ACTL8: variants seen among roughly 807,000 people sequenced by gnomAD.
ACTL8 encodes actin like 8, also known as actin-like protein 8.
A neutral mutation model predicts 9.3 loss-of-function variants in ACTL8; 3 were observed. The ratio of observed to expected loss-of-function variants is 0.32; its 90% CI spans 0.15 to 0.83. The LOEUF is 0.83. ACTL8 is among the 40% of genes least tolerant of loss of function. ACTL8 has a pLI of 0.57. For missense variants in ACTL8, 381 were observed against 492.2 expected, an observed-to-expected ratio of 0.77 and a Z score of 2.14; for synonymous variants, 224 against 205.9, an observed-to-expected ratio of 1.09 and a Z score of -0.75.
intron 1 of ACTL8, among the ~76,000 whole-genome samples, chr1:17,804,012 C>T (rs140782304): frequency 1.7e-3 from 266 of 152,258 alleles, no homozygotes; most frequent in African/African-American, 6.0e-3. Context: ...AATTCTGTCA[C>T]GAATCTAACC....
intron 1 of ACTL8, among the ~76,000 whole-genome samples, chr1:17,777,175 C>T (rs2066124314): frequency 6.6e-6 from 1 of 151,880 alleles, no homozygotes; most frequent in East Asian, 1.9e-4. Context: ...GAACAAGCGC[C>T]TCTCTTTGAA....
chr1:17,821,699 G>T (rs649270), intron 1 of ACTL8, among the ~76,000 whole-genome samples: 65,808 of 151,764 alleles, frequency 0.43, 15,537 homozygotes, highest in East Asian at 0.68. Flanking sequence ...CACAATCTTG[G>T]CTCACTGCAA....
chr1:17,787,390 A>G lies in ACTL8; in HGVS notation c.-25+31886A>G, dbSNP rs375846383. ...AGCAATTCTCATGCTCAGCCTCCCA[A>G]GTAGCTGAGATTACAGGTGTGTGCC... On this transcript the variant is annotated intron_variant, in intron 1 of 2. Transcript: ENST00000375406. Among the ~76,000 whole-genome samples the G allele has an allele frequency of 8.5e-5, 13 of 152,108 alleles. 1 individual carries two copies. The highest frequency in any genetic ancestry group is 2.7e-4 in the African/African-American group (11 of 41,418).
chr1:17,803,201 G>GC (rs1253763606), intron 1 of ACTL8, among the ~76,000 whole-genome samples: 6 of 151,800 alleles, frequency 4.0e-5, no homozygotes, highest in South Asian at 2.1e-4. Context: ...GGGGTTTCCC[G>GC]CCCCCCCTTT....
intron 1 of ACTL8, among the ~76,000 whole-genome samples, chr1:17,818,417 G>A (rs540598298): frequency 6.6e-6 from 1 of 152,316 alleles, no homozygotes; most frequent in East Asian, 1.9e-4. Flanking sequence ...AGTGAAGTCA[G>A]ATCATGCCAT....
chr1:17,768,917 C>T (rs939084919), intron 1 of ACTL8, among the ~76,000 whole-genome samples: 2 of 152,082 alleles, frequency 1.3e-5, no homozygotes, highest in African/African-American at 4.8e-5. Flanking sequence ...AGGAGTGGTC[C>T]ACTGCTTCAT....
chr1:17,818,506 A>G (rs1438722855), intron 1 of ACTL8, among the ~76,000 whole-genome samples: 1 of 152,222 alleles, frequency 6.6e-6, no homozygotes, highest in African/African-American at 2.4e-5. Flanking sequence ...TCAGATCTCC[A>G]GTATCCTCCC....
chr1:17,782,928 A>G (rs1289346588), intron 1 of ACTL8, among the ~76,000 whole-genome samples: 2 of 152,174 alleles, frequency 1.3e-5, no homozygotes, highest in Non-Finnish European at 2.9e-5. Flanking sequence ...TCCCCACTCA[A>G]TCAATGGCAC....
At chr1:17,794,466 C>T (rs982144403) in intron 1 of ACTL8, among the ~76,000 whole-genome samples, 2 of 152,168 alleles carry the variant, frequency 1.3e-5, no homozygotes, top group African/African-American at 2.4e-5. Flanking sequence ...CTCTAGGCTC[C>T]ACAGGAGAAA....
rs1221162310 is a variant in ACTL8 at position 17,808,830 on chromosome 1, G to A, written c.-24-14155G>A. Among the ~76,000 whole-genome samples, 5 of 152,170 alleles carry A rather than the reference G, an allele frequency of 3.3e-5. No homozygotes were observed. In the South Asian group the frequency reaches 1.0e-3, roughly 32 times the overall value. Reference sequence around the variant, plus strand: ...TTTAGGCAGAGAGGAGATGTAGAAAGGACGGAATTCTCCAGCAGCAAACAT... The same window carrying A: ...TTTAGGCAGAGAGGAGATGTAGAAAAGACGGAATTCTCCAGCAGCAAACAT... On this transcript the variant is annotated intron_variant, in intron 1 of 2. Coordinates refer to ENST00000375406, the MANE Select transcript of ACTL8 (RefSeq NM_030812.3).
intron 1 of ACTL8, among the ~76,000 whole-genome samples, chr1:17,795,153 T>G (rs958023333): frequency 6.6e-6 from 1 of 152,242 alleles, no homozygotes; most frequent in Admixed American, 6.5e-5. Flanking sequence ...GTGTAATAGC[T>G]TCCATTCTCA....
chr1:17,815,560 T>C (rs980785258), intron 1 of ACTL8, among the ~76,000 whole-genome samples: 3 of 152,210 alleles, frequency 2.0e-5, no homozygotes, highest in Non-Finnish European at 4.4e-5. Context: ...GTTTTATTTT[T>C]CTCTGGATTC....
At chr1:17,777,516 G>A (rs1251995731) in intron 1 of ACTL8, among the ~76,000 whole-genome samples, 2 of 152,126 alleles carry the variant, frequency 1.3e-5, no homozygotes, top group African/African-American at 2.4e-5. Flanking sequence ...GGTGTGAGAC[G>A]GGGTGCTCAT....
At chr1:17,768,473 C>T (rs967042085) in intron 1 of ACTL8, among the ~76,000 whole-genome samples, 2 of 143,070 alleles carry the variant, frequency 1.4e-5, no homozygotes, top group Admixed American at 1.5e-4. Context: ...TTGGCTGCTA[C>T]AAGTACCTCC....
intron 1 of ACTL8, among the ~76,000 whole-genome samples, chr1:17,763,336 G>A (rs765832292): frequency 3.3e-5 from 5 of 150,644 alleles, no homozygotes; most frequent in African/African-American, 9.7e-5. Context: ...CTTTCAGACC[G>A]TAGAGTCAAG....
chr1:17,760,409 T>C (rs941829360), intron 1 of ACTL8, among the ~76,000 whole-genome samples: 1 of 152,184 alleles, frequency 6.6e-6, no homozygotes, highest in Non-Finnish European at 1.5e-5. Flanking sequence ...AAATGGGTTT[T>C]TCACAGGCGT....
At chr1:17,816,645 C>T (rs1190534541) in intron 1 of ACTL8, among the ~76,000 whole-genome samples, 3 of 152,122 alleles carry the variant, frequency 2.0e-5, no homozygotes, top group Admixed American at 6.5e-5. Context: ...CCTGCAACTC[C>T]GTCTTGTCCT....
chr1:17,756,981 G>T (rs531058212), intron 1 of ACTL8, among the ~76,000 whole-genome samples: 2 of 152,064 alleles, frequency 1.3e-5, no homozygotes, highest in African/African-American at 2.4e-5. Flanking sequence ...TAGGCAGGCC[G>T]GGCACAGGCA....
intron 1 of ACTL8, among the ~76,000 whole-genome samples, chr1:17,763,169 TTC>T (rs1443690725): frequency 6.6e-6 from 1 of 152,070 alleles, no homozygotes; most frequent in African/African-American, 2.4e-5. Flanking sequence ...GCTATGGAAT[TTC>T]TGTCTTTGGA....
Sources: allele counts gnomAD v4.1 joint callset (sites outside exome capture counted in the v4.1 genomes callset), GRCh38; gene constraint gnomAD v4.1.1; transcripts MANE v1.5; gene names NCBI Gene and HGNC (gene_info 2026-07-23, HGNC 2026-07-21).